Variants in ELFN2 observed in about 807,000 individuals in gnomAD.
The protein encoded by ELFN2 is protein phosphatase 1 regulatory subunit 29.
A neutral mutation model predicts 45.5 loss-of-function variants in ELFN2; 17 were observed. The observed-to-expected ratio is 0.37, with a 90% CI of 0.26 to 0.56. The LOEUF is 0.56. ELFN2 is among the 20% of genes least tolerant of loss of function. The pLI, the probability that ELFN2 is intolerant of heterozygous loss-of-function variation, is 0.77. For missense variants in ELFN2, 922 were observed against 1,183.2 expected (o/e 0.78, Z 3.24); for synonymous variants, 550 against 551.5 (o/e 1.00, Z 0.04).
chr22:37,362,959 T>C (rs374978111), intron 1 of ELFN2, among the ~76,000 whole-genome samples: 45 of 152,248 alleles, frequency 3.0e-4, no homozygotes, highest in African/African-American at 1.0e-3. Flanking sequence ...CCACAGCCCA[T>C]TGCCAGCACC....
At chr22:37,390,555 G>A (rs1040136936) in intron 2 of ELFN2, among the ~76,000 whole-genome samples, 3 of 152,134 alleles carry the variant, frequency 2.0e-5, no homozygotes, top group Non-Finnish European at 2.9e-5. Context: ...CCATGGGGGT[G>A]AGCTCTGATT....
At chr22:37,353,419 C>T (rs1930870982) in intron 1 of ELFN2, 2 of 151,094 alleles carry the variant, frequency 1.3e-5, no homozygotes, top group South Asian at 2.1e-4. Flanking sequence ...AGCCTTGAGT[C>T]GCTTTACAAA....
At chr22:37,383,042 C>G (rs1931832294) in intron 2 of ELFN2, among the ~76,000 whole-genome samples, 1 of 152,206 alleles carries the variant, frequency 6.6e-6, no homozygotes, top group South Asian at 2.1e-4. Context: ...AGCTAAACAG[C>G]ACCACGTCCT....
chr22:37,420,657 G>T (rs1173458797), intron 1 of ELFN2, among the ~76,000 whole-genome samples: 2 of 152,196 alleles, frequency 1.3e-5, no homozygotes, highest in African/African-American at 4.8e-5. Flanking sequence ...TCGAACCCGT[G>T]ACCGCACACG....
At chr22:37,349,486 G>T (rs562119349) in intron 1 of ELFN2, among the ~76,000 whole-genome samples, 2 of 151,226 alleles carry the variant, frequency 1.3e-5, no homozygotes, top group Admixed American at 6.6e-5. Flanking sequence ...CACCTCCAGC[G>T]TCTGCTCCCT....
intron 1 of ELFN2, among the ~76,000 whole-genome samples, chr22:37,423,377 G>A (rs978820962): frequency 7.2e-5 from 11 of 152,176 alleles, no homozygotes; most frequent in African/African-American, 2.2e-4. Flanking sequence ...GCAAGGCCCA[G>A]AAAGGGCCTT....
At chr22:37,344,242 C>T (rs891390545) in intron 1 of ELFN2, among the ~76,000 whole-genome samples, 1 of 150,418 alleles carries the variant, frequency 6.6e-6, no homozygotes, top group Non-Finnish European at 1.5e-5. Flanking sequence ...CCATGCCCAC[C>T]TGCCCACACC....
Position 37,373,455 on chromosome 22 carries a change from T to TGCCCCC in ELFN2, c.2074_2079dup (p.Gly692_Gly693dup), listed in dbSNP as rs1569131639. 2.0e-6 allele frequency: 3 copies of TGCCCCC among 1,532,904 alleles called. No individual in the cohort carries two copies. Among genetic ancestry groups the TGCCCCC allele is most frequent in the Admixed American group, 4.0e-5 (2 of 50,600 alleles). 95.0% of individuals were successfully genotyped at this position (1,532,904 alleles called of 1,614,324 possible). A position where few individuals can be genotyped will look rare whatever the true frequency, so the allele number is the denominator to read the frequency against. On this transcript the variant is annotated inframe_insertion, in exon 3 of 3. Transcript: ENST00000402918. ...GCCGGCTTCACCTCCAGGTGGTGGA[T>TGCCCCC]GCCCCCGCCCCCGCCGCTGCCCCCG...
At chr22:37,400,360 C>A (rs1048768309) in intron 2 of ELFN2, among the ~76,000 whole-genome samples, 5 of 152,208 alleles carry the variant, frequency 3.3e-5, no homozygotes, top group Non-Finnish European at 7.4e-5. Context: ...CCTCCCCTCA[C>A]CCCCGGAGGC....
At position 37,417,821 on chromosome 22, in the gene ELFN2, CAG is replaced by C. The variant is rs1439720671; in HGVS notation, c.-517_-516del. On this transcript the variant is annotated 5_prime_UTR_variant, in exon 2 of 3. Transcript: ENST00000402918. The surrounding 1 kb of genome is among the most constrained non-coding windows in gnomAD (Gnocchi z 4.5). ...CCGGCACTGTCCCCAACCTGGGTCT[CAG>C]AAAGGTTCCCCAGGCAGCAGCGGCA... The C allele has an allele frequency of 2.0e-5, 3 of 153,200 alleles. No individual in the cohort carries two copies. The highest frequency in any genetic ancestry group is 7.2e-5 in the African/African-American group (3 of 41,622). 9.5% of individuals were successfully genotyped at this position (153,200 alleles called of 1,614,324 possible). A position where few individuals can be genotyped will look rare whatever the true frequency, so the allele number is the denominator to read the frequency against.
Position 37,374,048 on chromosome 22 carries a change from A to G in ELFN2, c.1487T>C (p.Val496Ala). ...GLEAGLDTPK[V>A]ATKGNYIEVR... is the part of the protein sequence containing the mutation. ...CTCGATATAGTTGCCTTTGGTGGCT[A>G]CCTTGGGTGTGTCCAGCCCGGCCTC... The change falls in exon 3 of 3, where the codon GTA (valine) becomes GCA (alanine). Residue 496 changes from valine to alanine, a missense_variant. Physicochemically the swap from Val to Ala is moderately conservative, Grantham distance 64. This residue lies in a region of ELFN2 where 564 missense variants were observed against 642.8 expected (regional missense o/e 0.88). Coordinates refer to ENST00000402918, the MANE Select transcript of ELFN2 (RefSeq NM_052906.5). The G allele has an allele frequency of 6.2e-7, 1 of 1,613,100 alleles. No individual in the cohort carries two copies. The highest frequency in any genetic ancestry group is 8.5e-7 in the Non-Finnish European group (1 of 1,179,966).
At chr22:37,393,540 C>T (rs1243227945) in intron 2 of ELFN2, among the ~76,000 whole-genome samples, 1 of 152,246 alleles carries the variant, frequency 6.6e-6, no homozygotes, top group Non-Finnish European at 1.5e-5. Context: ...ATGAGGACAA[C>T]AGTAATAATA....
At chr22:37,351,586 C>A (rs141025775) in intron 1 of ELFN2, among the ~76,000 whole-genome samples, 6 of 149,834 alleles carry the variant, frequency 4.0e-5, no homozygotes, top group Admixed American at 6.6e-5. Context: ...GCGTCCCCCC[C>A]ACCCTCTCGA....
At chr22:37,380,179 G>A (rs1420951362) in intron 2 of ELFN2, among the ~76,000 whole-genome samples, 1 of 152,244 alleles carries the variant, frequency 6.6e-6, no homozygotes, top group African/African-American at 2.4e-5. Context: ...ACTGCGGCGT[G>A]TGGGAGGGGT....
intron 2 of ELFN2, among the ~76,000 whole-genome samples, chr22:37,379,957 C>T (rs1297105028): frequency 6.6e-6 from 1 of 152,214 alleles, no homozygotes; most frequent in Non-Finnish European, 1.5e-5. Context: ...CCTGGCACAG[C>T]GCCTGGCCTC....
chr22:37,390,117 C>T (rs1448399720), intron 2 of ELFN2, among the ~76,000 whole-genome samples: 1 of 152,202 alleles, frequency 6.6e-6, no homozygotes, highest in Admixed American at 6.5e-5. Context: ...GCCTCACTGG[C>T]CTCATCTGTC....
At chr22:37,412,292 A>AAAAAAAAAAAAAAG (rs57769146) in intron 2 of ELFN2, among the ~76,000 whole-genome samples, 2 of 146,370 alleles carry the variant, frequency 1.4e-5, no homozygotes, top group African/African-American at 2.6e-5. Flanking sequence ...AAAAAAAAAA[A>AAAAAAAAAAAAAAG]AAAGAAAGAA....
At chr22:37,416,271 GAC>G (rs1932758956) in intron 2 of ELFN2, among the ~76,000 whole-genome samples, 2 of 152,336 alleles carry the variant, frequency 1.3e-5, no homozygotes, top group African/African-American at 4.8e-5. Flanking sequence ...GTGTCAGAGA[GAC>G]AGGCTCCCCC....
intron 2 of ELFN2, among the ~76,000 whole-genome samples, chr22:37,404,129 G>A (rs5756672): frequency 0.31 from 46,621 of 152,100 alleles, 7,481 homozygotes; most frequent in Non-Finnish European, 0.36. Context: ...GAAGGAGAGG[G>A]AGCCCCGAGG....
Sources: gnomAD v4.1 joint callset for allele counts (sites outside exome capture counted in the v4.1 genomes callset) on GRCh38, gnomAD v4.1.1 for gene constraint, gnomAD v4.1.1 regional missense constraint, Gnocchi (gnomAD v3.1) non-coding constraint, MANE v1.5 for transcripts, NCBI Gene and HGNC (gene_info 2026-07-23, HGNC 2026-07-21) for gene names.